TCF4: variants seen among roughly 807,000 people sequenced by gnomAD.
TCF4 encodes the protein transcription factor 4.
A neutral mutation model predicts 82.1 loss-of-function variants in TCF4; 3 were observed. That is an observed-to-expected ratio of 0.04 (90% CI 0.02 to 0.09). The LOEUF (loss-of-function observed/expected upper bound fraction) is 0.09. Ranked by LOEUF, TCF4 falls within the 10% of genes least tolerant of loss-of-function variation. The probability of loss-of-function intolerance (pLI) is 1.00; values close to 1 mark genes in which losing one functional copy is unlikely to be tolerated. For missense variants in TCF4, 518 were observed against 852.7 expected, an observed-to-expected ratio of 0.61 and a Z score of 4.89; for synonymous variants, 276 against 309.6, an observed-to-expected ratio of 0.89 and a Z score of 1.14.
intron 5 of TCF4, among the ~76,000 whole-genome samples, chr18:55,434,516 T>C (rs987016111): frequency 2.0e-5 from 3 of 147,794 alleles, no homozygotes; most frequent in African/African-American, 5.0e-5. Flanking sequence ...GCCTCCCAGG[T>C]TCACGCCATT....
intron 10 of TCF4, among the ~76,000 whole-genome samples, chr18:55,275,071 G>A (rs1046488691): frequency 1.3e-5 from 2 of 151,970 alleles, no homozygotes; most frequent in African/African-American, 4.8e-5. Flanking sequence ...ACTGAAAAAT[G>A]GGAATCTGAT....
In TCF4 at chr18:55,629,148, A is replaced by G. The variant is rs2097729296; in HGVS notation, c.286+2150T>C. On this transcript the variant is annotated intron_variant, in intron 2 of 20. Transcript: ENST00000398339. ...TGATACTTTCTTATTTCAATGTGAA[A>G]AAAACTTTCATGATTCTACAAATGT... 3.3e-5 allele frequency among the ~76,000 whole-genome samples: 5 copies of G among 152,346 alleles called. No individual in the cohort carries two copies. In the South Asian group the frequency reaches 1.0e-3, roughly 32 times the overall value.
intron 12 of TCF4, 32 bp from the exon 13 acceptor site, chr18:55,260,059 C>T: frequency 6.8e-7 from 1 of 1,477,364 alleles, no homozygotes; most frequent in Non-Finnish European, 9.5e-7. Context: ...AAAAAACACC[C>T]TCATTCATTA....
intron 3 of TCF4, among the ~76,000 whole-genome samples, chr18:55,484,193 A>G (rs937790412): frequency 1.3e-5 from 2 of 152,346 alleles, no homozygotes; most frequent in African/African-American, 4.8e-5. Flanking sequence ...AGAAAAAGTT[A>G]TATTTCCTCT....
intron 5 of TCF4, among the ~76,000 whole-genome samples, chr18:55,404,723 C>T (rs1026690783): frequency 3.9e-5 from 6 of 152,130 alleles, no homozygotes; most frequent in Non-Finnish European, 7.4e-5. Flanking sequence ...TTCCTGACCC[C>T]ACACAAAGAA....
At chr18:55,332,639 T>C (rs116342691) in intron 8 of TCF4, among the ~76,000 whole-genome samples, 5,397 of 152,342 alleles carry the variant, frequency 0.035, 131 homozygotes, top group African/African-American at 0.048. Context: ...TGCAAATCTT[T>C]CCAATGGCAG....
intron 3 of TCF4, among the ~76,000 whole-genome samples, chr18:55,526,846 T>C (rs2096989846): frequency 6.6e-6 from 1 of 152,074 alleles, no homozygotes; most frequent in Non-Finnish European, 1.5e-5. Context: ...GGTCACAAAA[T>C]CCTCTTGCTA....
At chr18:55,455,773 T>G (rs939210823) in intron 5 of TCF4, among the ~76,000 whole-genome samples, 1 of 152,234 alleles carries the variant, frequency 6.6e-6, no homozygotes, top group African/African-American at 2.4e-5. Context: ...ATACTCACAC[T>G]TCTGCAAAGA....
intron 6 of TCF4, among the ~76,000 whole-genome samples, chr18:55,369,546 G>T (rs2088308990): frequency 6.6e-6 from 1 of 152,196 alleles, no homozygotes; most frequent in South Asian, 2.1e-4. Context: ...GGTAGCACAT[G>T]ACAGTCCTTG....
At chr18:55,322,482 G>C in intron 8 of TCF4, 1 of 1,001,996 alleles carries the variant, frequency 1.0e-6, no homozygotes, top group Non-Finnish European at 1.2e-6. Flanking sequence ...CAAAAGGAGA[G>C]AGGGGGCAGT....
intron 8 of TCF4, among the ~76,000 whole-genome samples, chr18:55,283,195 T>C (rs186546779): frequency 8.6e-5 from 13 of 151,948 alleles, no homozygotes; most frequent in African/African-American, 2.7e-4. Context: ...ATTTAATTTT[T>C]TTTTTTTTTG....
chr18:55,612,996 A>G (rs1168740892), intron 2 of TCF4, among the ~76,000 whole-genome samples: 3 of 152,090 alleles, frequency 2.0e-5, no homozygotes, highest in Admixed American at 6.6e-5. Flanking sequence ...TTTCAATGTC[A>G]CCATCACCCC....
At chr18:55,381,423 C>A (rs190699549) in intron 6 of TCF4, among the ~76,000 whole-genome samples, 175 of 152,348 alleles carry the variant, frequency 1.1e-3, no homozygotes, top group African/African-American at 4.1e-3. Context: ...AGCTTGCTAA[C>A]TAAGTACAGG....
chr18:55,523,749 C>G (rs548629706), intron 3 of TCF4, among the ~76,000 whole-genome samples: 1 of 151,644 alleles, frequency 6.6e-6, no homozygotes, highest in African/African-American at 2.4e-5. Context: ...TTTGACTTTC[C>G]CTTTTTATTT....
At chr18:55,392,479 A>G (rs1329724627) in intron 6 of TCF4, among the ~76,000 whole-genome samples, 1 of 151,662 alleles carries the variant, frequency 6.6e-6, no homozygotes, top group Middle Eastern at 3.2e-3. Context: ...AAAAAAAAAA[A>G]AAGAATATCA....
chr18:55,439,889 A>C (rs1237027291), intron 5 of TCF4, among the ~76,000 whole-genome samples: 1 of 151,454 alleles, frequency 6.6e-6, no homozygotes, highest in Non-Finnish European at 1.5e-5. Flanking sequence ...CGCCTGGCTA[A>C]TTTTTTGTAT....
chr18:55,611,706 A>G (rs2097707162), intron 2 of TCF4, among the ~76,000 whole-genome samples: 1 of 152,248 alleles, frequency 6.6e-6, no homozygotes, highest in African/African-American at 2.4e-5. Context: ...AATATATTTT[A>G]TTGAACATAG....
rs1279438418 is a variant in TCF4, at chr18:55,317,943, C to T, written c.549+32416G>A. On this transcript the variant is annotated intron_variant, in intron 8 of 19. Transcript: ENST00000354452. ...TAAAAAGCTCATTACCATTTACTTT[C>T]CGAGATTTGATGATTTGACAAATAA... is the stretch of plus-strand genomic sequence containing the variant. Among the ~76,000 whole-genome samples the T allele has an allele frequency of 5.9e-5, 9 of 152,130 alleles. No individual in the cohort carries two copies. In the East Asian group the frequency reaches 1.7e-3, roughly 29 times the overall value.
At chr18:55,597,304 G>A (rs1300194941) in intron 2 of TCF4, among the ~76,000 whole-genome samples, 2 of 152,092 alleles carry the variant, frequency 1.3e-5, no homozygotes, top group Non-Finnish European at 2.9e-5. Flanking sequence ...GGATTATAAT[G>A]GAGAGGAGAA....
Sources: allele counts gnomAD v4.1 joint callset (sites outside exome capture counted in the v4.1 genomes callset), GRCh38; gene constraint gnomAD v4.1.1; transcripts MANE v1.5; gene names NCBI Gene and HGNC (gene_info 2026-07-23, HGNC 2026-07-21).